ADCY5: variants seen among roughly 807,000 people sequenced by gnomAD.
ADCY5 encodes adenylate cyclase type 5.
A neutral mutation model predicts 119.7 loss-of-function variants in ADCY5; 30 were observed. The observed-to-expected ratio is 0.25, with a 90% CI of 0.19 to 0.34. ADCY5 has a LOEUF of 0.34. ADCY5 is among the 10% of genes least tolerant of loss of function. The pLI, the probability that ADCY5 is intolerant of heterozygous loss-of-function variation, is 1.00. For missense variants in ADCY5, 1,324 were observed against 1,775.2 expected (o/e 0.75, Z 4.57); for synonymous variants, 753 against 762.2 (o/e 0.99, Z 0.20).
At chr3:123,426,734 T>C (rs1220698773) in intron 1 of ADCY5, among the ~76,000 whole-genome samples, 1 of 151,960 alleles carries the variant, frequency 6.6e-6, no homozygotes. Context: ...GGAAGCTATG[T>C]GGAGGTTGGC....
chr3:123,386,786 G>A (rs1298374997), intron 1 of ADCY5, among the ~76,000 whole-genome samples: 2 of 152,000 alleles, frequency 1.3e-5, no homozygotes, highest in Admixed American at 6.5e-5. Flanking sequence ...CAGCGCCCCC[G>A]ACCCCACCCC....
At chr3:123,345,795 C>CACAG (rs1942521808) in intron 3 of ADCY5, among the ~76,000 whole-genome samples, 1 of 151,460 alleles carries the variant, frequency 6.6e-6, no homozygotes, top group South Asian at 2.1e-4. Context: ...CACACACACA[C>CACAG]AGGAAACCAA....
Position 123,303,838 on chromosome 3 carries a change from A to AAAGAG in ADCY5, c.2559+224_2559+228dup, listed in dbSNP as rs780526569. Among the ~76,000 whole-genome samples the AAAGAG allele has an allele frequency of 4.7e-3, 465 of 99,430 alleles. 5 individuals are homozygous for AAAGAG. Among genetic ancestry groups the AAAGAG allele is most frequent in the African/African-American group, 0.02 (442 of 22,270 alleles). The allele number at this position is 99,430 out of a possible 152,430, so 65.2% of individuals were successfully genotyped here. On this transcript the variant is annotated intron_variant, in intron 13 of 20. Coordinates refer to ENST00000462833, the MANE Select transcript of ADCY5 (RefSeq NM_183357.3). ...AGACTCTGTCTCAAAACTGGAAAGA[A>AAAGAG]AAGAGAAGAGAAGAGAAGAGAAGAG...
chr3:123,396,822 G>GAGAGAC (rs1944605972), intron 1 of ADCY5, among the ~76,000 whole-genome samples: 19 of 140,688 alleles, frequency 1.4e-4, no homozygotes, highest in African/African-American at 4.8e-4. Flanking sequence ...AGGCAGGCGA[G>GAGAGAC]AGAGAGAGAG....
rs1323342776 is a variant in ADCY5 at position 123,325,379 on chromosome 3, C to T, written c.2031G>A (p.Glu677=). The T allele has an allele frequency of 3.1e-6, 5 of 1,614,196 alleles. No homozygotes were observed. Among genetic ancestry groups the T allele is most frequent in the Admixed American group, 1.7e-5 (1 of 60,026 alleles). ...IGHNPPHWGA[E]RPFYNHLGGN... is the part of the protein sequence containing the mutation. ...CACCCAGGTGGTTGTAGAAGGGGCG[C>T]TCAGCCCCCCAGTGTGGTGGGTTGT... The change falls in exon 8 of 21, where the codon GAG becomes GAA. Residue 677 remains glutamate (E), a synonymous_variant. Coordinates refer to ENST00000462833, the MANE Select transcript of ADCY5 (RefSeq NM_183357.3).
At chr3:123,353,468 G>A (rs1287113931) in intron 1 of ADCY5, among the ~76,000 whole-genome samples, 1 of 152,186 alleles carries the variant, frequency 6.6e-6, no homozygotes, top group Non-Finnish European at 1.5e-5. Context: ...TGTTGTCCTT[G>A]ACTTGGGGCC....
At chr3:123,410,987 C>T (rs999607588) in intron 1 of ADCY5, among the ~76,000 whole-genome samples, 4 of 152,164 alleles carry the variant, frequency 2.6e-5, no homozygotes, top group Admixed American at 1.3e-4. Flanking sequence ...CTACTGGATA[C>T]GGCCTAAATT....
chr3:123,426,255 T>A (rs1452519709), intron 1 of ADCY5, among the ~76,000 whole-genome samples: 1 of 151,616 alleles, frequency 6.6e-6, no homozygotes, highest in African/African-American at 2.4e-5. Flanking sequence ...AGTTCCTACC[T>A]GTAGGAGCTG....
chr3:123,392,846 G>A (rs1242399960), intron 1 of ADCY5, among the ~76,000 whole-genome samples: 3 of 31,056 alleles, frequency 9.7e-5, no homozygotes, highest in Non-Finnish European at 2.2e-4. Context: ...TCCCACATAG[G>A]ACAGTCACTT....
At chr3:123,402,044 T>G (rs1036278266) in intron 1 of ADCY5, among the ~76,000 whole-genome samples, 1 of 152,104 alleles carries the variant, frequency 6.6e-6, no homozygotes, top group South Asian at 2.1e-4. Context: ...CCAAGACCAG[T>G]GCTGGGCACC....
At chr3:123,335,553 C>T (rs903408725) in intron 3 of ADCY5, among the ~76,000 whole-genome samples, 1 of 152,142 alleles carries the variant, frequency 6.6e-6, no homozygotes, top group Non-Finnish European at 1.5e-5. Flanking sequence ...TGTCTGTAGG[C>T]CCCACAGACA....
chr3:123,284,377 G>A lies in ADCY5; in HGVS notation c.*231C>T. On this transcript the variant is annotated 3_prime_UTR_variant, in exon 21 of 21. Coordinates refer to ENST00000462833, the MANE Select transcript of ADCY5 (RefSeq NM_183357.3). ...CCAGTCTAGCAGAGTCTTCTACAGA[G>A]GGAAACATCTTTGGTCAGCTGGGTG... 6.8e-6 allele frequency: 4 copies of A among 586,942 alleles called. No homozygotes were observed. Among genetic ancestry groups the A allele is most frequent in the Non-Finnish European group, 1.2e-5 (4 of 337,368 alleles). 36.4% of individuals were successfully genotyped at this position (586,942 alleles called of 1,614,324 possible).
Position 123,300,104 on chromosome 3 carries a change from G to A in ADCY5, c.2900+16C>T. 1 of 1,612,900 alleles carries A rather than the reference G, an allele frequency of 6.2e-7. No individual in the cohort carries two copies. Among genetic ancestry groups the A allele is most frequent in the Non-Finnish European group, 8.5e-7 (1 of 1,179,480 alleles). On this transcript the variant is annotated intron_variant, in intron 15 of 20. Coordinates refer to ENST00000462833, the MANE Select transcript of ADCY5 (RefSeq NM_183357.3). ...GTCTCATGCCCAGTGGGGAGCGTGA[G>A]GGAGGTGCCCCATACATGGCGTTGG...
chr3:123,321,959 T>G (rs1373889513), intron 8 of ADCY5, among the ~76,000 whole-genome samples: 1 of 152,218 alleles, frequency 6.6e-6, no homozygotes. Flanking sequence ...CTGGCAGTTG[T>G]CTGCCTAGGC....
At chr3:123,400,034 G>A (rs1057115072) in intron 1 of ADCY5, among the ~76,000 whole-genome samples, 13 of 152,214 alleles carry the variant, frequency 8.5e-5, no homozygotes, top group African/African-American at 1.9e-4. Flanking sequence ...CATGGGTTCA[G>A]ACGCAGCAGT....
At position 123,448,469 on chromosome 3, in the gene ADCY5, G is replaced by C. The variant is rs752897516; in HGVS notation, c.77C>G (p.Pro26Arg). The change falls in exon 1 of 21, where the codon CCC becomes CGC. Residue 26 changes from proline (P) to arginine (R), a missense_variant. By Grantham distance (103) the Pro-to-Arg change is moderately radical. This residue lies in a region of ADCY5 where 585 missense variants were observed against 569.9 expected (regional missense o/e 1.03). Transcript: ENST00000462833. ...CTCGCCCCACGCAGAGCGGTGTTCG[G>C]GGCCTCCCCGGGGCGCCGGCGCCGC... Reference protein sequence around the residue: ...KTAAPAPRGGPEHRSAWGEAD... With the variant: ...KTAAPAPRGGREHRSAWGEAD... 18 of 1,274,508 alleles carry C rather than the reference G, an allele frequency of 1.4e-5. No homozygotes were observed. The highest frequency in any genetic ancestry group is 1.7e-5 in the Non-Finnish European group (17 of 1,012,152). The allele number at this position is 1,274,508 out of a possible 1,614,324, so 78.9% of individuals were successfully genotyped here.
intron 1 of ADCY5, among the ~76,000 whole-genome samples, chr3:123,400,555 T>C (rs536901821): frequency 5.9e-5 from 9 of 152,224 alleles, no homozygotes; most frequent in Non-Finnish European, 1.0e-4. Flanking sequence ...AACTGTGATA[T>C]GGTAAATCCC....
intron 1 of ADCY5, among the ~76,000 whole-genome samples, chr3:123,365,964 G>A (rs1332243826): frequency 6.6e-6 from 1 of 152,152 alleles, no homozygotes; most frequent in Non-Finnish European, 1.5e-5. Flanking sequence ...CACCAGGGGA[G>A]CCACTAGCCA....
At chr3:123,297,779 A>G (rs543257152) in intron 15 of ADCY5, among the ~76,000 whole-genome samples, 3 of 152,228 alleles carry the variant, frequency 2.0e-5, no homozygotes, top group Non-Finnish European at 2.9e-5. Flanking sequence ...GAGCCTCAAC[A>G]TGGGGCTGGT....
Sources: allele counts gnomAD v4.1 joint callset (sites outside exome capture counted in the v4.1 genomes callset), GRCh38; gene constraint gnomAD v4.1.1; regional missense constraint gnomAD v4.1.1; transcripts MANE v1.5; gene names NCBI Gene and HGNC (gene_info 2026-07-23, HGNC 2026-07-21).